SEMA3C: variants seen among roughly 807,000 people sequenced by gnomAD.
SEMA3C encodes the protein semaphorin-3C.
In SEMA3C, 47 loss-of-function variants were observed where a neutral mutation model predicts 89.4. The ratio of observed to expected loss-of-function variants is 0.53; its 90% confidence interval spans 0.42 to 0.67. SEMA3C has a LOEUF of 0.67. SEMA3C is among the 30% of genes least tolerant of loss of function. The pLI is 0.00. For missense variants in SEMA3C, 839 were observed against 929.1 expected (o/e 0.90, Z 1.26); for synonymous variants, 310 against 320.2 (o/e 0.97, Z 0.34).
chr7:80,813,193 T>C (rs902740611), intron 5 of SEMA3C, among the ~76,000 whole-genome samples: 6 of 152,132 alleles, frequency 3.9e-5, no homozygotes, highest in Non-Finnish European at 5.9e-5. Flanking sequence ...ACTTTTTTCA[T>C]TGCATCCACA....
chr7:80,831,094 T>C (rs529829150), intron 2 of SEMA3C, among the ~76,000 whole-genome samples: 1 of 152,200 alleles, frequency 6.6e-6, no homozygotes, highest in African/African-American at 2.4e-5. Context: ...AGGGGTAAGA[T>C]ATTGCTTGGG....
intron 12 of SEMA3C, among the ~76,000 whole-genome samples, chr7:80,783,348 C>T (rs767689422): frequency 2.0e-5 from 3 of 152,110 alleles, no homozygotes; most frequent in Admixed American, 1.3e-4. Flanking sequence ...TCATCTATCT[C>T]CCATCAATTC....
chr7:80,800,701 T>TGTTA, intron 10 of SEMA3C, 56 bp downstream of exon 10: 1 of 1,027,304 alleles, frequency 9.7e-7, no homozygotes, highest in South Asian at 1.4e-5. Flanking sequence ...TAATAATTAC[T>TGTTA]GTTACTCCAT....
At chr7:80,916,562 A>G in intron 2 of SEMA3C, 117 bp downstream of exon 2, 1 of 876,614 alleles carries the variant, frequency 1.1e-6, no homozygotes, top group Non-Finnish European at 1.6e-6. Flanking sequence ...GCAGCCCAGT[A>G]AATATTTTTA....
At chr7:80,851,434 G>A (rs564898567) in intron 2 of SEMA3C, among the ~76,000 whole-genome samples, 1 of 146,230 alleles carries the variant, frequency 6.8e-6, no homozygotes, top group Admixed American at 7.2e-5. Context: ...AACCTGGGAA[G>A]CGGAGGTTGC....
At chr7:80,869,524 C>G (rs766145857) in intron 2 of SEMA3C, among the ~76,000 whole-genome samples, 3 of 152,158 alleles carry the variant, frequency 2.0e-5, no homozygotes, top group Admixed American at 6.5e-5. Flanking sequence ...TTTTCCAGAA[C>G]TCACAACAGA....
chr7:80,888,192 C>A (rs182384726), intron 2 of SEMA3C, among the ~76,000 whole-genome samples: 1 of 152,006 alleles, frequency 6.6e-6, no homozygotes, highest in African/African-American at 2.4e-5. Flanking sequence ...GCAGGAGGAT[C>A]CCTTGAGCTC....
At chr7:80,793,179 G>A (rs1033879213) in intron 11 of SEMA3C, among the ~76,000 whole-genome samples, 1 of 152,090 alleles carries the variant, frequency 6.6e-6, no homozygotes, top group Non-Finnish European at 1.5e-5. Context: ...TTTGAGTAAA[G>A]ACATTTCAAG....
At chr7:80,767,516 T>G (rs1283649088) in intron 12 of SEMA3C, among the ~76,000 whole-genome samples, 1 of 152,162 alleles carries the variant, frequency 6.6e-6, no homozygotes, top group African/African-American at 2.4e-5. Flanking sequence ...AAGACACTAG[T>G]TTAGATTTAG....
At chr7:80,766,854 TAG>T (rs1788316058) in intron 12 of SEMA3C, among the ~76,000 whole-genome samples, 1 of 152,138 alleles carries the variant, frequency 6.6e-6, no homozygotes, top group Middle Eastern at 3.2e-3. Flanking sequence ...TTAGGAATGC[TAG>T]ACTGGTAAGG....
At chr7:80,837,171 C>A (rs554211391) in intron 2 of SEMA3C, among the ~76,000 whole-genome samples, 35 of 152,266 alleles carry the variant, frequency 2.3e-4, no homozygotes, top group African/African-American at 8.2e-4. Flanking sequence ...TCATCTGAAT[C>A]TTCAGAATCA....
At chr7:80,806,585 A>G (rs1789346943) in intron 6 of SEMA3C, among the ~76,000 whole-genome samples, 1 of 152,194 alleles carries the variant, frequency 6.6e-6, no homozygotes, top group Admixed American at 6.5e-5. Flanking sequence ...GTATTAATCT[A>G]TATATACATA....
chr7:80,763,378 G>GT (rs1440813460), intron 13 of SEMA3C, among the ~76,000 whole-genome samples: 3 of 152,218 alleles, frequency 2.0e-5, no homozygotes, highest in East Asian at 1.9e-4. Flanking sequence ...GCTGAAGACA[G>GT]TAACTGTATT....
intron 2 of SEMA3C, among the ~76,000 whole-genome samples, chr7:80,880,112 C>T: frequency 6.6e-6 from 1 of 151,824 alleles, no homozygotes; most frequent in Non-Finnish European, 1.5e-5. Context: ...ATGCTCTTCC[C>T]ACAGATATCC....
At chr7:80,797,269 G>C (rs888369908) in intron 11 of SEMA3C, among the ~76,000 whole-genome samples, 3 of 151,770 alleles carry the variant, frequency 2.0e-5, no homozygotes, top group Non-Finnish European at 4.4e-5. Context: ...ATTCTAGAAG[G>C]CAGCATTATT....
At chr7:80,761,470 A>C (rs1308100919) in intron 14 of SEMA3C, 146 bp downstream of exon 14, 2 of 465,900 alleles carry the variant, frequency 4.3e-6, no homozygotes, top group African/African-American at 4.1e-5. Flanking sequence ...CTACATCAAA[A>C]TTAAAGGTGA....
chr7:80,800,700 C>A (rs1162221865), intron 10 of SEMA3C, 57 bp downstream of exon 10: 1 of 1,024,916 alleles, frequency 9.8e-7, no homozygotes, highest in Non-Finnish European at 1.5e-6. Flanking sequence ...ATAATAATTA[C>A]TGTTACTCCA....
chr7:80,914,376 A>C (rs1195114089), intron 2 of SEMA3C, among the ~76,000 whole-genome samples: 7 of 150,806 alleles, frequency 4.6e-5, no homozygotes, highest in African/African-American at 1.7e-4. Flanking sequence ...AATAATAATA[A>C]ATTTGAACAG....
At chr7:80,818,449 A>G in intron 4 of SEMA3C, 31 bp from the exon 5 acceptor site, 16 of 1,597,952 alleles carry the variant, frequency 1.0e-5, no homozygotes, top group Non-Finnish European at 1.4e-5. Flanking sequence ...GCAGTTAGTA[A>G]CTCAATGACT....
Sources: gnomAD v4.1 joint callset for allele counts (sites outside exome capture counted in the v4.1 genomes callset) on GRCh38, gnomAD v4.1.1 for gene constraint, MANE v1.5 for transcripts, NCBI Gene and HGNC (gene_info 2026-07-23, HGNC 2026-07-21) for gene names.